GABPB1: variants seen among roughly 807,000 people sequenced by gnomAD.
GABPB1 encodes the protein GA binding protein transcription factor subunit beta 1.
GABPB1 carries 15 observed loss-of-function variants against 45.9 expected under a neutral mutation model. The observed-to-expected ratio is 0.33, with a 90% CI of 0.22 to 0.50. The LOEUF is 0.50. Among genes scored for constraint, GABPB1 ranks in the 20% least tolerant of loss-of-function variants. The probability of loss-of-function intolerance (pLI) is 0.98; values close to 1 mark genes in which losing one functional copy is unlikely to be tolerated. For missense variants in GABPB1, 252 were observed against 457.5 expected (o/e 0.55, Z 4.10); for synonymous variants, 143 against 154.4 (o/e 0.93, Z 0.55).
chr15:50,348,629 C>T (rs959167640), intron 1 of GABPB1, among the ~76,000 whole-genome samples: 1 of 151,402 alleles, frequency 6.6e-6, no homozygotes, highest in African/African-American at 2.4e-5. Context: ...TTTGGGAGGC[C>T]GAGGCAGGCA....
chr15:50,295,759 A>T (rs1232679503), intron 6 of GABPB1, among the ~76,000 whole-genome samples: 1 of 152,104 alleles, frequency 6.6e-6, no homozygotes, highest in African/African-American at 2.4e-5. Context: ...AACTCAACAC[A>T]TTCCCCTCCA....
chr15:50,300,445 T>G lies in GABPB1; in HGVS notation c.697+344A>C, dbSNP rs954993096. Among the ~76,000 whole-genome samples, 8 of 122,320 alleles carry G rather than the reference T, an allele frequency of 6.5e-5. 1 individual carries two copies. The highest frequency in any genetic ancestry group is 2.0e-4 in the East Asian group (1 of 4,906). 80.2% of individuals were successfully genotyped at this position (122,320 alleles called of 152,430 possible). A position where few individuals can be genotyped will look rare whatever the true frequency, so the allele number is the denominator to read the frequency against. On this transcript the variant is annotated intron_variant, in intron 6 of 8. Coordinates refer to ENST00000380877, the MANE Select transcript of GABPB1 (RefSeq NM_016654.5). ...TCTGCAACTGTTTTTGGTTTTTTTTTTTTTTTTTTTTTTTTGAGACAGAGT... is the reference window on the plus strand; with the variant it reads ...TCTGCAACTGTTTTTGGTTTTTTTTGTTTTTTTTTTTTTTTGAGACAGAGT...
intron 1 of GABPB1, among the ~76,000 whole-genome samples, chr15:50,338,430 CAT>C (rs2048224353): frequency 6.6e-6 from 1 of 152,160 alleles, no homozygotes; most frequent in African/African-American, 2.4e-5. Flanking sequence ...TACTCCCAAA[CAT>C]ACTACATAAA....
At chr15:50,307,532 C>A (rs1284077968) in intron 2 of GABPB1, among the ~76,000 whole-genome samples, 1 of 151,968 alleles carries the variant, frequency 6.6e-6, no homozygotes, top group Non-Finnish European at 1.5e-5. Flanking sequence ...GAAACCCCAT[C>A]TCTACTAAAA....
chr15:50,345,821 C>T (rs1274612353), intron 1 of GABPB1, among the ~76,000 whole-genome samples: 6 of 152,186 alleles, frequency 3.9e-5, no homozygotes, highest in African/African-American at 9.6e-5. Flanking sequence ...ACGCCATTCT[C>T]CTGCCTCAGC....
intron 1 of GABPB1, among the ~76,000 whole-genome samples, chr15:50,318,418 T>C (rs1041798687): frequency 6.6e-6 from 1 of 152,200 alleles, no homozygotes; most frequent in Admixed American, 6.5e-5. Context: ...GGAGTTTTTT[T>C]CCCCTTTATT....
intron 1 of GABPB1, among the ~76,000 whole-genome samples, chr15:50,312,448 A>G (rs147440047): frequency 3.5e-4 from 53 of 152,308 alleles, no homozygotes; most frequent in African/African-American, 1.2e-3. Flanking sequence ...TAAAGACGCT[A>G]AGATCTATAG....
At chr15:50,350,615 G>A (rs541688029) in intron 1 of GABPB1, 4 of 151,756 alleles carry the variant, frequency 2.6e-5, no homozygotes, top group Admixed American at 2.0e-4. Flanking sequence ...TCTTCCACCT[G>A]TAAACCTCGG....
intron 1 of GABPB1, among the ~76,000 whole-genome samples, chr15:50,347,763 T>C (rs1249327182): frequency 6.6e-6 from 1 of 152,036 alleles, no homozygotes; most frequent in Non-Finnish European, 1.5e-5. Context: ...CTTTAAAGAA[T>C]CACTACTATA....
chr15:50,283,924 T>C (rs2046077148), intron 8 of GABPB1, among the ~76,000 whole-genome samples: 1 of 152,180 alleles, frequency 6.6e-6, no homozygotes, highest in Non-Finnish European at 1.5e-5. Flanking sequence ...TTTCTTTAAG[T>C]TTCTCAATCT....
intron 6 of GABPB1, among the ~76,000 whole-genome samples, chr15:50,299,919 C>A (rs1001736769): frequency 6.6e-6 from 1 of 152,050 alleles, no homozygotes; most frequent in South Asian, 2.1e-4. Flanking sequence ...CAGGTTCAAG[C>A]GATCCTCTGA....
At chr15:50,282,228 C>T (rs1463962893) in intron 8 of GABPB1, 1 of 449,360 alleles carries the variant, frequency 2.2e-6, no homozygotes, top group Non-Finnish European at 4.5e-6. Context: ...TACAAACATA[C>T]ATACATACAT....
chr15:50,339,723 T>C (rs1037791871), intron 1 of GABPB1, among the ~76,000 whole-genome samples: 7 of 152,194 alleles, frequency 4.6e-5, no homozygotes, highest in Admixed American at 1.3e-4. Context: ...GACTACTTAA[T>C]ATTCATGTTT....
intron 1 of GABPB1, among the ~76,000 whole-genome samples, chr15:50,330,080 T>C (rs1040830778): frequency 2.0e-5 from 3 of 151,664 alleles, no homozygotes; most frequent in Non-Finnish European, 4.4e-5. Context: ...CTAATTCTAA[T>C]TTTTGGAGAG....
At chr15:50,345,924 G>T (rs1365357208) in intron 1 of GABPB1, among the ~76,000 whole-genome samples, 1 of 151,892 alleles carries the variant, frequency 6.6e-6, no homozygotes, top group Non-Finnish European at 1.5e-5. Flanking sequence ...TGTTAGCCAG[G>T]ATCGTCTCGA....
At chr15:50,291,944 A>G (rs2046357447) in intron 6 of GABPB1, among the ~76,000 whole-genome samples, 1 of 150,534 alleles carries the variant, frequency 6.6e-6, no homozygotes, top group Admixed American at 6.6e-5. Context: ...AATTCTATCT[A>G]TAATAATACC....
intron 1 of GABPB1, among the ~76,000 whole-genome samples, chr15:50,328,025 GA>G (rs576183652): frequency 1.2e-3 from 164 of 141,886 alleles, no homozygotes; most frequent in African/African-American, 4.0e-3. Flanking sequence ...ATTGTAACAG[GA>G]AAAAAAAAAG....
intron 8 of GABPB1, among the ~76,000 whole-genome samples, chr15:50,281,491 G>A (rs7180278): frequency 0.48 from 73,342 of 152,136 alleles, 21,727 homozygotes; most frequent in African/African-American, 0.84. Flanking sequence ...GATTACAGGC[G>A]TGAGCCACTG....
chr15:50,343,269 A>G (rs951355210), intron 1 of GABPB1, among the ~76,000 whole-genome samples: 4 of 151,816 alleles, frequency 2.6e-5, no homozygotes, highest in Admixed American at 1.3e-4. Context: ...TCTCCCCATC[A>G]TCTCTTCTCA....
Sources: gnomAD v4.1 joint callset for allele counts (sites outside exome capture counted in the v4.1 genomes callset) on GRCh38, gnomAD v4.1.1 for gene constraint, MANE v1.5 for transcripts, NCBI Gene and HGNC (gene_info 2026-07-23, HGNC 2026-07-21) for gene names.